The following MAP2K6 variants were observed in gnomAD, a reference collection of about 807,000 sequenced individuals.
MAP2K6 encodes dual specificity mitogen-activated protein kinase kinase 6.
A neutral mutation model predicts 53.7 loss-of-function variants in MAP2K6; 16 were observed. The observed-to-expected ratio is 0.30, with a 90% confidence interval of 0.20 to 0.45. The LOEUF is 0.45. Ranked by LOEUF, MAP2K6 falls within the 20% of genes least tolerant of loss-of-function variation. The probability of loss-of-function intolerance (pLI) is 1.00; values close to 1 mark genes in which losing one functional copy is unlikely to be tolerated. For missense variants in MAP2K6, 204 were observed against 411.9 expected (o/e 0.50, Z 4.37); for synonymous variants, 132 against 143.1 (o/e 0.92, Z 0.55).
At chr17:69,496,659 G>A (rs558535446) in intron 1 of MAP2K6, among the ~76,000 whole-genome samples, 4 of 152,020 alleles carry the variant, frequency 2.6e-5, no homozygotes, top group Non-Finnish European at 5.9e-5. Flanking sequence ...ATAAGGCACC[G>A]CACCTGGCCA....
intron 10 of MAP2K6, among the ~76,000 whole-genome samples, chr17:69,529,941 C>T (rs759918060): frequency 1.6e-4 from 24 of 152,120 alleles, no homozygotes; most frequent in Non-Finnish European, 2.6e-4. Flanking sequence ...TGGCTGCCTG[C>T]AAAGATATCC....
intron 10 of MAP2K6, 156 bp from the exon 11 acceptor site, chr17:69,535,959 A>G (rs1911335303): frequency 1.0e-5 from 6 of 602,078 alleles, no homozygotes; most frequent in Non-Finnish European, 1.5e-5. Flanking sequence ...AACATGATAC[A>G]TAAGTGTTAC....
At chr17:69,495,997 T>C (rs145650073) in intron 1 of MAP2K6, among the ~76,000 whole-genome samples, 12 of 152,254 alleles carry the variant, frequency 7.9e-5, no homozygotes, top group African/African-American at 2.6e-4. Context: ...ACTCAGGGCA[T>C]TGGCTGTGAT....
At chr17:69,519,655 T>A (rs1324822338) in intron 5 of MAP2K6, 1 of 506,260 alleles carries the variant, frequency 2.0e-6, no homozygotes, top group African/African-American at 2.0e-5. Context: ...GAGTTTCTCG[T>A]CTCCTTTCTT....
intron 1 of MAP2K6, among the ~76,000 whole-genome samples, chr17:69,491,694 A>G (rs1421055654): frequency 1.3e-5 from 2 of 151,334 alleles, no homozygotes; most frequent in East Asian, 3.9e-4. Flanking sequence ...AACAATGTAT[A>G]AGCATTCCTT....
chr17:69,436,686 G>A (rs1351434768), intron 1 of MAP2K6, among the ~76,000 whole-genome samples: 2 of 152,054 alleles, frequency 1.3e-5, no homozygotes, highest in Admixed American at 6.5e-5. Flanking sequence ...TGTCACACCT[G>A]CAGAATCCTC....
chr17:69,489,049 C>A (rs1047834689), intron 1 of MAP2K6, among the ~76,000 whole-genome samples: 6 of 151,594 alleles, frequency 4.0e-5, no homozygotes, highest in Admixed American at 3.9e-4. Flanking sequence ...GGTGAAACCC[C>A]GTCTCTAGTA....
At position 69,414,946 on chromosome 17, in the gene MAP2K6, TC is replaced by T. The variant is rs1201928091; in HGVS notation, c.-38del. 6.5e-7 allele frequency: 1 copy of T among 1,531,556 alleles called. No individual in the cohort carries two copies. Among genetic ancestry groups the T allele is most frequent in the African/African-American group, 1.4e-5 (1 of 72,890 alleles). The allele number at this position is 1,531,556 out of a possible 1,614,324, so 94.9% of individuals were successfully genotyped here. On this transcript the variant is annotated 5_prime_UTR_variant, in exon 1 of 12. Coordinates refer to ENST00000590474, the MANE Select transcript of MAP2K6 (RefSeq NM_002758.4). The stretch of plus-strand genomic sequence containing the variant: ...GCTACAGAAGAGAAGCAAGGCAAAG[TC>T]TTTTGTGCTCCCCTCCCCCATCAAA...
chr17:69,434,315 G>C (rs117442028), intron 1 of MAP2K6: 1 of 152,128 alleles, frequency 6.6e-6, no homozygotes, highest in African/African-American at 2.4e-5. Context: ...CTGATTATAC[G>C]GTTTTCATTC....
chr17:69,467,308 G>A (rs1209534555), intron 1 of MAP2K6, among the ~76,000 whole-genome samples: 1 of 152,224 alleles, frequency 6.6e-6, no homozygotes, highest in African/African-American at 2.4e-5. Context: ...GAGAACTCCT[G>A]GGATGATGTT....
At chr17:69,458,425 G>A (rs1907498850) in intron 1 of MAP2K6, among the ~76,000 whole-genome samples, 1 of 152,152 alleles carries the variant, frequency 6.6e-6, no homozygotes, top group African/African-American at 2.4e-5. Context: ...AGTGGGGAGG[G>A]CCACTGTATT....
intron 1 of MAP2K6, among the ~76,000 whole-genome samples, chr17:69,461,636 T>C (rs1907625032): frequency 6.6e-6 from 1 of 152,072 alleles, no homozygotes; most frequent in South Asian, 2.1e-4. Flanking sequence ...GGGGCTCCAC[T>C]TTTTCTGGGG....
rs1223577045 is a variant in MAP2K6, at chr17:69,494,900, G to A, written c.17-10880G>A. Among the ~76,000 whole-genome samples the A allele has an allele frequency of 1.3e-5, 2 of 152,034 alleles. No individual in the cohort carries two copies. The highest frequency in any genetic ancestry group is 2.9e-5 in the Non-Finnish European group (2 of 68,004). ...CACTTCTGTAATCCCAGCTACTCGG[G>A]AGGCTGAGATAGGAGCATCGCTTGA... is the stretch of plus-strand genomic sequence containing the variant. On this transcript the variant is annotated intron_variant, in intron 1 of 11. Coordinates refer to ENST00000590474, the MANE Select transcript of MAP2K6 (RefSeq NM_002758.4). This position sits in a 1 kb window ranked among gnomAD's most constrained non-coding sequence, Gnocchi z 4.2.
At chr17:69,426,626 TCC>T (rs1906283251) in intron 1 of MAP2K6, among the ~76,000 whole-genome samples, 1 of 152,062 alleles carries the variant, frequency 6.6e-6, no homozygotes, top group African/African-American at 2.4e-5. Context: ...AGTGGGAAAG[TCC>T]TATGAATAAG....
chr17:69,529,712 G>T (rs1043713045), intron 10 of MAP2K6, among the ~76,000 whole-genome samples: 3 of 151,872 alleles, frequency 2.0e-5, no homozygotes, highest in Admixed American at 1.3e-4. Context: ...GGGTTTCACC[G>T]TGTTAACCAG....
chr17:69,542,375 T>C lies in MAP2K6; in HGVS notation c.*622T>C, dbSNP rs1911682336. 1 of 152,670 alleles carries C rather than the reference T, an allele frequency of 6.6e-6. No homozygotes were observed. The highest frequency in any genetic ancestry group is 2.4e-5 in the African/African-American group (1 of 41,462). The allele number at this position is 152,670 out of a possible 1,614,324, so 9.5% of individuals were successfully genotyped here. On this transcript the variant is annotated 3_prime_UTR_variant, in exon 12 of 12. Coordinates refer to ENST00000590474, the MANE Select transcript of MAP2K6 (RefSeq NM_002758.4). ...GTTCCAGCTGTTGTGACTGCTGCCA[T>C]TTTTGCAAACATCTGCCCAATCCTG...
At position 69,476,467 on chromosome 17, in the gene MAP2K6, G is replaced by A. The variant is rs570828814; in HGVS notation, c.17-29313G>A. ...CAGTCTTCAGTTAAGCTGGATGCTTGTGAATGAGGTGGTATATGAGAAAAC... is the reference window on the plus strand; with the variant it reads ...CAGTCTTCAGTTAAGCTGGATGCTTATGAATGAGGTGGTATATGAGAAAAC... On this transcript the variant is annotated intron_variant, in intron 1 of 11. Coordinates refer to ENST00000590474, the MANE Select transcript of MAP2K6 (RefSeq NM_002758.4). 2.0e-5 allele frequency among the ~76,000 whole-genome samples: 3 copies of A among 152,346 alleles called. No homozygotes were observed. In the South Asian group the frequency reaches 6.2e-4, roughly 32 times the overall value.
At position 69,542,798 on chromosome 17, in the gene MAP2K6, G is replaced by A. The variant is rs1376851512; in HGVS notation, c.*1045G>A. On this transcript the variant is annotated 3_prime_UTR_variant, in exon 12 of 12. Coordinates refer to ENST00000590474, the MANE Select transcript of MAP2K6 (RefSeq NM_002758.4). ...TGTAAGGATTGCCTTTGTAGTTAATGTACTCTTTGGCTTTGTTTGTTTGTT... is the reference window on the plus strand; with the variant it reads ...TGTAAGGATTGCCTTTGTAGTTAATATACTCTTTGGCTTTGTTTGTTTGTT... 2 of 152,156 alleles carry A rather than the reference G, an allele frequency of 1.3e-5. No individual in the cohort carries two copies. Among genetic ancestry groups the A allele is most frequent in the Non-Finnish European group, 2.9e-5 (2 of 68,040 alleles). 9.4% of individuals were successfully genotyped at this position (152,156 alleles called of 1,614,324 possible).
Position 69,552,264 on chromosome 17 carries a change from A to G in MAP2K6, c.*10511A>G, listed in dbSNP as rs1912129149. Reference sequence around the variant, plus strand: ...TAGGAGCTTGCTACCTCTTCTTGGTACCTGAAATATTCTGAAAGGATATCG... The same window carrying G: ...TAGGAGCTTGCTACCTCTTCTTGGTGCCTGAAATATTCTGAAAGGATATCG... On this transcript the variant is annotated 3_prime_UTR_variant, in exon 12 of 12. Coordinates refer to ENST00000590474, the MANE Select transcript of MAP2K6 (RefSeq NM_002758.4). The G allele has an allele frequency of 6.6e-6, 1 of 152,206 alleles. No individual in the cohort carries two copies. Among genetic ancestry groups the G allele is most frequent in the Non-Finnish European group, 1.5e-5 (1 of 68,042 alleles). The allele number at this position is 152,206 out of a possible 1,614,324, so 9.4% of individuals were successfully genotyped here.
Sources: gnomAD v4.1 joint callset for allele counts (sites outside exome capture counted in the v4.1 genomes callset) on GRCh38, gnomAD v4.1.1 for gene constraint, Gnocchi (gnomAD v3.1) non-coding constraint, MANE v1.5 for transcripts, NCBI Gene and HGNC (gene_info 2026-07-23, HGNC 2026-07-21) for gene names.